Variants in MAN2B2 observed in about 807,000 individuals in gnomAD.
MAN2B2 encodes mannosidase alpha class 2B member 2, also known as epididymis-specific alpha-mannosidase.
Under a neutral mutation model 117.1 loss-of-function variants are expected in MAN2B2, and 106 were observed. The observed-to-expected ratio is 0.90, with a 90% confidence interval of 0.77 to 1.06. The LOEUF (loss-of-function observed/expected upper bound fraction) is 1.06, where lower values mean the gene tolerates loss of function less well. MAN2B2 is among the 50% of genes least tolerant of loss of function. The pLI is 0.00. For synonymous variants in MAN2B2, 544 were observed against 595.1 expected, an observed-to-expected ratio of 0.91 and a Z score of 1.25; for missense variants, 1,326 against 1,381.4, an observed-to-expected ratio of 0.96 and a Z score of 0.64.
At chr4:6,577,253 C>T (rs1726100885) in intron 2 of MAN2B2, among the ~76,000 whole-genome samples, 1 of 152,214 alleles carries the variant, frequency 6.6e-6, no homozygotes, top group African/African-American at 2.4e-5. Context: ...CGACTAGCCC[C>T]TGCGAGCCAC....
At chr4:6,605,991 A>C (rs1315826398) in intron 11 of MAN2B2, among the ~76,000 whole-genome samples, 2 of 152,206 alleles carry the variant, frequency 1.3e-5, no homozygotes, top group African/African-American at 4.8e-5. Flanking sequence ...TGACCTCCCA[A>C]GAAAGACCTC....
intron 16 of MAN2B2, among the ~76,000 whole-genome samples, 159 bp from the exon 17 acceptor site, chr4:6,617,218 GCTA>G (rs2108760276): frequency 6.6e-6 from 1 of 152,336 alleles, no homozygotes; most frequent in Admixed American, 6.5e-5. Flanking sequence ...CATTATGGGA[GCTA>G]CAATTCACGA....
At chr4:6,592,413 A>T (rs1250990070) in intron 5 of MAN2B2, among the ~76,000 whole-genome samples, 2 of 152,054 alleles carry the variant, frequency 1.3e-5, no homozygotes, top group Non-Finnish European at 2.9e-5. Context: ...GAGCCCAGGA[A>T]TTCGAGACCA....
Position 6,597,289 on chromosome 4 carries a change from T to C in MAN2B2, c.1234T>C (p.Trp412Arg), listed in dbSNP as rs751947162. ...CCTGCAGCAGCTCCAGCAGCTTCGC[T>C]GGGCCGTCTCCGAGGTAACACCACA... Reference protein sequence around the residue: ...WALQQLQQLRWAVSEVQHHDA... With the variant: ...WALQQLQQLRRAVSEVQHHDA... Residue 412 changes from tryptophan (W) to arginine (R), a missense_variant, in exon 8 of 19, where the codon TGG becomes CGG. Trp to Arg is a moderately radical substitution (Grantham distance 101, BLOSUM62 -3). Transcript: ENST00000285599. 1 of 1,555,348 alleles carries C rather than the reference T, an allele frequency of 6.4e-7. No individual in the cohort carries two copies. The highest frequency in any genetic ancestry group is 2.3e-5 in the East Asian group (1 of 42,976).
At chr4:6,595,390 C>T (rs1030013442) in intron 7 of MAN2B2, among the ~76,000 whole-genome samples, 1 of 152,226 alleles carries the variant, frequency 6.6e-6, no homozygotes, top group Admixed American at 6.5e-5. Flanking sequence ...CAGCAGATGT[C>T]CTAGACCTCT....
At chr4:6,607,568 C>A (rs1359187801) in intron 11 of MAN2B2, among the ~76,000 whole-genome samples, 1 of 152,230 alleles carries the variant, frequency 6.6e-6, no homozygotes, top group African/African-American at 2.4e-5. Flanking sequence ...TACTTCGTTC[C>A]TTTTCATGGC....
chr4:6,577,099 G>A (rs1371717981), intron 2 of MAN2B2, among the ~76,000 whole-genome samples: 1 of 152,144 alleles, frequency 6.6e-6, no homozygotes. Flanking sequence ...CCCGGGCCCA[G>A]GGTCTGGTGA....
At position 6,609,447 on chromosome 4, in the gene MAN2B2, G is replaced by A. The variant is rs1270277669; in HGVS notation, c.2006+149G>A. ...TCTGATGAAGAAATGAATTGCTCTG[G>A]TGTCTGCATGCTGGCTGCGTTTGCG... On this transcript the variant is annotated intron_variant, in intron 12 of 18. Transcript: ENST00000285599. 8 of 771,232 alleles carry A rather than the reference G, an allele frequency of 1.0e-5. No individual in the cohort carries two copies. In the East Asian group the frequency reaches 1.9e-4, roughly 18 times the overall value. The allele number at this position is 771,232 out of a possible 1,614,324, so 47.8% of individuals were successfully genotyped here. A position where few individuals can be genotyped will look rare whatever the true frequency, so the allele number is the denominator to read the frequency against.
In MAN2B2 at chr4:6,576,535, G is replaced by A. The variant is rs367660363; in HGVS notation, c.139-43G>A. 4 of 1,593,852 alleles carry A rather than the reference G, an allele frequency of 2.5e-6. No homozygotes were observed. The African/African-American group carries it at 4.0e-5, about 16-fold the overall frequency. Reference sequence around the variant, plus strand: ...ATGGCAGGGGCCCCAGGGACACTTGGTCTTGTTGGACCGGGGCTGGCATGA... The same window carrying A: ...ATGGCAGGGGCCCCAGGGACACTTGATCTTGTTGGACCGGGGCTGGCATGA... On this transcript the variant is annotated intron_variant, in intron 1 of 18. Coordinates refer to ENST00000285599, the MANE Select transcript of MAN2B2 (RefSeq NM_015274.3).
chr4:6,593,987 A>C (rs1433644079), intron 6 of MAN2B2, among the ~76,000 whole-genome samples: 1 of 152,218 alleles, frequency 6.6e-6, no homozygotes, highest in East Asian at 1.9e-4. Context: ...GGCGGGCCCC[A>C]GAGCCTGCCT....
At position 6,575,402 on chromosome 4, in the gene MAN2B2, G is replaced by T. The variant is rs995037271; in HGVS notation, c.138+54G>T. ...CTGAGGCTGCAGCTTCCCTCTCCCCGCGGGATCTGAGTGTGGGTTTGCGTC... is the reference window on the plus strand; with the variant it reads ...CTGAGGCTGCAGCTTCCCTCTCCCCTCGGGATCTGAGTGTGGGTTTGCGTC... On this transcript the variant is annotated intron_variant, in intron 1 of 18. Transcript: ENST00000285599. 19 of 1,371,988 alleles carry T rather than the reference G, an allele frequency of 1.4e-5. No homozygotes were observed. In the African/African-American group the frequency reaches 2.2e-4, roughly 16 times the overall value. 85.0% of individuals were successfully genotyped at this position (1,371,988 alleles called of 1,614,324 possible).
chr4:6,587,812 T>A (rs1726698882), intron 4 of MAN2B2, among the ~76,000 whole-genome samples: 1 of 147,882 alleles, frequency 6.8e-6, no homozygotes, highest in Non-Finnish European at 1.5e-5. Context: ...TGGAATGCAG[T>A]AGCACAATCT....
At chr4:6,606,281 T>C (rs967594443) in intron 11 of MAN2B2, among the ~76,000 whole-genome samples, 3 of 152,302 alleles carry the variant, frequency 2.0e-5, no homozygotes, top group African/African-American at 4.8e-5. Context: ...TCTCTGGGAA[T>C]GGGGCCCCAG....
chr4:6,579,144 C>G lies in MAN2B2; in HGVS notation c.391+646C>G, dbSNP rs1370408213. ...ACCACTACCACCACCACCACCATCA[C>G]CACCACCATCACCATCACCACCACC... On this transcript the variant is annotated intron_variant, in intron 3 of 18. Transcript: ENST00000285599. Among the ~76,000 whole-genome samples the G allele has an allele frequency of 3.3e-4, 24 of 72,982 alleles. 1 individual carries two copies. Among genetic ancestry groups the G allele is most frequent in the Admixed American group, 1.2e-3 (9 of 7,546 alleles). The allele number at this position is 72,982 out of a possible 152,430, so 47.9% of individuals were successfully genotyped here. A position where few individuals can be genotyped will look rare whatever the true frequency, so the allele number is the denominator to read the frequency against.
chr4:6,598,701 G>A lies in MAN2B2; in HGVS notation c.1405+347G>A, dbSNP rs563368475. On this transcript the variant is annotated intron_variant, in intron 9 of 18. Transcript: ENST00000285599. ...TTACTGTCCTCATTTTACAGCCGAG[G>A]AAACGGACTCAAGTTATATGCTAGC... 1.5e-4 allele frequency among the ~76,000 whole-genome samples: 23 copies of A among 152,324 alleles called. No individual in the cohort carries two copies. The South Asian group carries it at 3.3e-3, about 22-fold the overall frequency.
chr4:6,616,762 G>A (rs1426052381), intron 16 of MAN2B2, among the ~76,000 whole-genome samples: 1 of 152,142 alleles, frequency 6.6e-6, no homozygotes, highest in African/African-American at 2.4e-5. Flanking sequence ...TGTCATGGTG[G>A]GCAGCCTTAC....
Position 6,610,943 on chromosome 4 carries a change from T to C in MAN2B2, c.2323T>C (p.Ser775Pro). 2 of 1,614,182 alleles carry C rather than the reference T, an allele frequency of 1.2e-6. No homozygotes were observed. Among genetic ancestry groups the C allele is most frequent in the Non-Finnish European group, 1.7e-6 (2 of 1,180,014 alleles). Reference sequence around the variant, plus strand: ...TGGCAAAAGCAGGCTTGTGTTGCTGTCGGAGCGGGCACATGGCATCTCCAG... The same window carrying C: ...TGGCAAAAGCAGGCTTGTGTTGCTGCCGGAGCGGGCACATGGCATCTCCAG... ...EDGKSRLVLL[S>P]ERAHGISSQG... Residue 775 changes from serine to proline, a missense_variant, in exon 14 of 19, where the codon TCG (serine) becomes CCG (proline). By Grantham distance (74) the Ser-to-Pro change is moderately conservative (BLOSUM62 -1). Transcript: ENST00000285599.
Position 6,600,652 on chromosome 4 carries a change from G to A in MAN2B2, c.1435G>A (p.Val479Ile), listed in dbSNP as rs1457336347. Residue 479 changes from valine to isoleucine, a missense_variant, in exon 10 of 19, where the codon GTC (valine) becomes ATC (isoleucine). Transcript: ENST00000285599. ...DAGPAGHFAS[V>I]YNPLAWTVTT... is the part of the protein sequence containing the mutation. ...AGGACCTGCAGGACATTTTGCCTCGGTCTACAACCCGCTGGCCTGGACGGT... is the reference window on the plus strand; with the variant it reads ...AGGACCTGCAGGACATTTTGCCTCGATCTACAACCCGCTGGCCTGGACGGT... 6.2e-7 allele frequency: 1 copy of A among 1,613,936 alleles called. No homozygotes were observed. Among genetic ancestry groups the A allele is most frequent in the South Asian group, 1.1e-5 (1 of 91,076 alleles).
chr4:6,614,432 CAG>C (rs1258182180), intron 16 of MAN2B2, 77 bp downstream of exon 16: 12 of 1,543,716 alleles, frequency 7.8e-6, no homozygotes, highest in African/African-American at 4.1e-5. Context: ...CACCACCAGA[CAG>C]GGGCTCACCT....
Sources: allele counts gnomAD v4.1 joint callset (sites outside exome capture counted in the v4.1 genomes callset), GRCh38; gene constraint gnomAD v4.1.1; transcripts MANE v1.5; gene names NCBI Gene and HGNC (gene_info 2026-07-23, HGNC 2026-07-21).